ZNF710: variants seen among roughly 807,000 people sequenced by gnomAD.
ZNF710 encodes zinc finger protein 710.
In ZNF710, 13 loss-of-function variants were observed where a neutral mutation model predicts 50.6. The ratio of observed to expected loss-of-function variants is 0.26; its 90% CI spans 0.17 to 0.41. The LOEUF (loss-of-function observed/expected upper bound fraction) is 0.41. Among genes scored for constraint, ZNF710 ranks in the 10% least tolerant of loss-of-function variants. The probability of loss-of-function intolerance (pLI) is 1.00; values close to 1 mark genes in which losing one functional copy is unlikely to be tolerated. For missense variants in ZNF710, 721 were observed against 936.6 expected, an observed-to-expected ratio of 0.77 and a Z score of 3.01; for synonymous variants, 383 against 397.0, an observed-to-expected ratio of 0.96 and a Z score of 0.42.
chr15:90,012,533 G>A (rs886261441), intron 1 of ZNF710, among the ~76,000 whole-genome samples: 8 of 152,040 alleles, frequency 5.3e-5, no homozygotes, highest in Admixed American at 5.2e-4. Context: ...GCCTCCCAAA[G>A]TGCTGGGATT....
intron 1 of ZNF710, among the ~76,000 whole-genome samples, chr15:90,052,071 C>T (rs533178627): frequency 2.6e-5 from 4 of 152,220 alleles, no homozygotes; most frequent in East Asian, 1.9e-4. Context: ...TCCCCCTCCT[C>T]GGACCTTGCT....
chr15:90,058,656 AG>A (rs1369918276), intron 1 of ZNF710, among the ~76,000 whole-genome samples: 1 of 151,664 alleles, frequency 6.6e-6, no homozygotes, highest in African/African-American at 2.4e-5. Flanking sequence ...TGTATCAGTC[AG>A]GGTTCTAGAG....
chr15:90,010,223 A>C (rs919236247), intron 1 of ZNF710, among the ~76,000 whole-genome samples: 1 of 152,092 alleles, frequency 6.6e-6, no homozygotes, highest in East Asian at 1.9e-4. Flanking sequence ...TTTTTAATCT[A>C]GTCTGATATC....
chr15:90,001,655 A>G (rs995664134), intron 1 of ZNF710, 41 bp downstream of exon 1: 4 of 141,016 alleles, frequency 2.8e-5, no homozygotes, highest in African/African-American at 1.0e-4. Flanking sequence ...CCCCAGCCCC[A>G]GCCCCGCAGC....
chr15:90,054,518 C>T (rs1473811098), intron 1 of ZNF710, among the ~76,000 whole-genome samples: 1 of 152,180 alleles, frequency 6.6e-6, no homozygotes, highest in African/African-American at 2.4e-5. Flanking sequence ...GGGGCCTGCT[C>T]TATCCTGCCT....
At chr15:90,026,254 C>CAAA (rs1483788585) in intron 1 of ZNF710, among the ~76,000 whole-genome samples, 2 of 82,836 alleles carry the variant, frequency 2.4e-5, no homozygotes, top group South Asian at 2.7e-4. Flanking sequence ...AAAAACAAAA[C>CAAA]AACAACAACA....
intron 1 of ZNF710, among the ~76,000 whole-genome samples, chr15:90,022,135 T>C (rs1014058402): frequency 1.3e-5 from 2 of 151,646 alleles, no homozygotes; most frequent in East Asian, 3.9e-4. Flanking sequence ...CCCAGAACTT[T>C]GGGTGGCCGA....
At chr15:90,009,022 G>A (rs1312454761) in intron 1 of ZNF710, among the ~76,000 whole-genome samples, 1 of 152,114 alleles carries the variant, frequency 6.6e-6, no homozygotes, top group Non-Finnish European at 1.5e-5. Context: ...AGTTAGAATG[G>A]TCACTACAGA....
chr15:90,042,124 T>A (rs1256214759), intron 1 of ZNF710, among the ~76,000 whole-genome samples: 3 of 152,052 alleles, frequency 2.0e-5, no homozygotes, highest in Non-Finnish European at 4.4e-5. Context: ...CTTGAACTCC[T>A]GACCTCAGGT....
At chr15:90,015,830 C>CAA (rs1567221098) in intron 1 of ZNF710, among the ~76,000 whole-genome samples, 1 of 152,090 alleles carries the variant, frequency 6.6e-6, no homozygotes, top group African/African-American at 2.4e-5. Context: ...AGGCTGGTCT[C>CAA]GAACTCCTGG....
chr15:90,029,285 G>C lies in ZNF710; in HGVS notation c.-29+27671G>C, dbSNP rs149959987. 2.9e-3 allele frequency among the ~76,000 whole-genome samples: 446 copies of C among 152,300 alleles called. 1 individual carries two copies. The highest frequency in any genetic ancestry group is 0.01 in the African/African-American group (423 of 41,556). On this transcript the variant is annotated intron_variant, in intron 1 of 4. Coordinates refer to ENST00000268154, the MANE Select transcript of ZNF710 (RefSeq NM_198526.4). ...GTTTCTCTGGGAGAGCACCAGCCAG[G>C]TGTGTGTCATGGGATATATTTACAG...
chr15:90,074,710 G>A, intron 4 of ZNF710: 1 of 356,632 alleles, frequency 2.8e-6, no homozygotes, highest in Non-Finnish European at 5.3e-6. Flanking sequence ...TCGTTACCGT[G>A]AGATAATATT....
At chr15:90,000,639 G>C (rs1275991719), upstream of ZNF710, among the ~76,000 whole-genome samples, 2 of 152,228 alleles carry the variant, frequency 1.3e-5, no homozygotes, top group Non-Finnish European at 2.9e-5. Context: ...AAAGGCTTTT[G>C]CTGTTCAGTG....
At chr15:90,038,882 A>G (rs75438794) in intron 1 of ZNF710, among the ~76,000 whole-genome samples, 1,965 of 152,340 alleles carry the variant, frequency 0.013, 43 homozygotes, top group African/African-American at 0.044. Context: ...GTCCTAAGGC[A>G]GAGAGGCTAT....
At chr15:90,045,410 C>T in intron 1 of ZNF710, 1 of 985,352 alleles carries the variant, frequency 1.0e-6, no homozygotes, top group Non-Finnish European at 1.2e-6. Context: ...CGTCTGGGAA[C>T]TGTTGCGGAC....
At chr15:90,047,327 C>G (rs1899495597) in intron 1 of ZNF710, among the ~76,000 whole-genome samples, 1 of 152,224 alleles carries the variant, frequency 6.6e-6, no homozygotes, top group Non-Finnish European at 1.5e-5. Flanking sequence ...GCTTTCAGCA[C>G]TTTACATATT....
intron 1 of ZNF710, among the ~76,000 whole-genome samples, chr15:90,008,996 T>C (rs1898228094): frequency 6.6e-6 from 1 of 152,086 alleles, no homozygotes; most frequent in South Asian, 2.1e-4. Context: ...ATGTTATATA[T>C]ATGGAATCGA....
rs765120913 is a variant in ZNF710, at chr15:90,067,426, C to T, written c.289C>T (p.Arg97Trp). 3.1e-6 allele frequency: 5 copies of T among 1,603,780 alleles called. No individual in the cohort carries two copies. The highest frequency in any genetic ancestry group is 1.7e-4 in the Middle Eastern group (1 of 6,050). The change falls in exon 2 of 5, where the codon CGG becomes TGG. Residue 97 changes from arginine to tryptophan, a missense_variant. Arg to Trp is a moderately radical substitution (Grantham distance 101, BLOSUM62 -3). This residue lies in a region of ZNF710 where 326 missense variants were observed against 347.1 expected (regional missense o/e 0.94). Transcript: ENST00000268154. This position sits in a 1 kb window ranked among gnomAD's most constrained non-coding sequence, Gnocchi z 8.1. ...GGCAGCCTGTGAGAAGCACACCCGG[C>T]GGAAGACGCGGCCACCTGTGCGGTT... Reference protein sequence around the residue: ...VEAACEKHTRRKTRPPVRLVP... With the variant: ...VEAACEKHTRWKTRPPVRLVP...
chr15:90,032,399 T>C (rs1185809945), intron 1 of ZNF710, among the ~76,000 whole-genome samples: 1 of 152,210 alleles, frequency 6.6e-6, no homozygotes, highest in Non-Finnish European at 1.5e-5. Flanking sequence ...CATTTAAATG[T>C]ATTATTTTCT....
Sources: allele counts gnomAD v4.1 joint callset (sites outside exome capture counted in the v4.1 genomes callset), GRCh38; gene constraint gnomAD v4.1.1; regional missense constraint gnomAD v4.1.1; non-coding constraint Gnocchi (gnomAD v3.1); transcripts MANE v1.5; gene names NCBI Gene and HGNC (gene_info 2026-07-23, HGNC 2026-07-21).